Variants in DDC observed in about 807,000 individuals in gnomAD.
The protein encoded by DDC is dopa decarboxylase.
Under a neutral mutation model 60.0 loss-of-function variants are expected in DDC, and 43 were observed. The observed-to-expected ratio is 0.72, with a 90% confidence interval of 0.56 to 0.92. The LOEUF is 0.92. Among genes scored for constraint, DDC ranks in the 40% least tolerant of loss-of-function variants. The pLI is 0.00. For synonymous variants in DDC, 232 were observed against 234.6 expected, an observed-to-expected ratio of 0.99 and a Z score of 0.10; for missense variants, 573 against 620.2, an observed-to-expected ratio of 0.92 and a Z score of 0.81.
chr7:50,469,373 C>T (rs1193075635), intron 12 of DDC, among the ~76,000 whole-genome samples: 1 of 151,966 alleles, frequency 6.6e-6, no homozygotes, highest in African/African-American at 2.4e-5. Context: ...GTTGCTGGGC[C>T]CCACTGCAGG....
intron 7 of DDC, among the ~76,000 whole-genome samples, chr7:50,503,247 G>A (rs538338614): frequency 6.6e-6 from 1 of 152,362 alleles, no homozygotes; most frequent in African/African-American, 2.4e-5. Flanking sequence ...ATCCTAGAGG[G>A]ACAGAGAAAG....
intron 9 of DDC, among the ~76,000 whole-genome samples, chr7:50,484,629 G>A (rs1299276937): frequency 1.3e-5 from 2 of 152,174 alleles, no homozygotes; most frequent in Non-Finnish European, 2.9e-5. Context: ...AAACAGATGT[G>A]TATGTGTACT....
chr7:50,496,112 C>T (rs1411067912), intron 8 of DDC, among the ~76,000 whole-genome samples: 4 of 148,378 alleles, frequency 2.7e-5, no homozygotes, highest in East Asian at 2.0e-4. Context: ...TTTTTTTGAG[C>T]GACAGGGTCT....
At chr7:50,536,372 G>A (rs1281318458) in intron 4 of DDC, among the ~76,000 whole-genome samples, 2 of 152,200 alleles carry the variant, frequency 1.3e-5, no homozygotes, top group African/African-American at 4.8e-5. Flanking sequence ...TTGGGCACAT[G>A]TAGTCAGGAT....
At chr7:50,557,546 C>G (rs933533064) in intron 1 of DDC, among the ~76,000 whole-genome samples, 6 of 152,128 alleles carry the variant, frequency 3.9e-5, no homozygotes, top group African/African-American at 1.4e-4. Context: ...GACATTTTTC[C>G]TTTATGCCTA....
At chr7:50,460,016 A>T (rs1387792016) in intron 14 of DDC, among the ~76,000 whole-genome samples, 1 of 128,756 alleles carries the variant, frequency 7.8e-6, no homozygotes, top group Non-Finnish European at 1.6e-5. Flanking sequence ...GGAAGTGAGG[A>T]TCCCCTCTGC....
Position 50,467,330 on chromosome 7 carries a change from G to A in DDC, c.1141-15C>T, listed in dbSNP as rs757905175. On this transcript the variant is annotated splice_polypyrimidine_tract_variant and intron_variant, in intron 12 of 14. Transcript: ENST00000444124. ...AGCTGGACATGCTTCAAAGAGGAAA[G>A]GGAAAATCTGTTTTTCTCATGGCCA... is the stretch of plus-strand genomic sequence containing the variant. 6 of 1,608,924 alleles carry A rather than the reference G, an allele frequency of 3.7e-6. No homozygotes were observed. The South Asian group carries it at 5.5e-5, about 15-fold the overall frequency.
chr7:50,519,954 AAAC>A (rs1457549203), intron 6 of DDC, among the ~76,000 whole-genome samples: 5 of 13,144 alleles, frequency 3.8e-4, no homozygotes, highest in East Asian at 0.01. Context: ...ATCAAAACCA[AAAC>A]AAACAAACAA....
At chr7:50,559,964 C>T (rs946669159) in intron 1 of DDC, among the ~76,000 whole-genome samples, 1 of 152,164 alleles carries the variant, frequency 6.6e-6, no homozygotes, top group Non-Finnish European at 1.5e-5. Context: ...GTGTAGACGC[C>T]CACCTAGCGT....
At chr7:50,527,131 T>C (rs2044059824) in intron 6 of DDC, among the ~76,000 whole-genome samples, 1 of 152,242 alleles carries the variant, frequency 6.6e-6, no homozygotes, top group Admixed American at 6.5e-5. Context: ...ACTGACTTCA[T>C]ATATTTCGCA....
intron 6 of DDC, among the ~76,000 whole-genome samples, chr7:50,509,594 A>G (rs1314209438): frequency 6.6e-6 from 1 of 152,116 alleles, no homozygotes; most frequent in African/African-American, 2.4e-5. Flanking sequence ...TCTGAATTTC[A>G]CCCACAGACA....
chr7:50,537,725 G>T, intron 4 of DDC, 135 bp downstream of exon 4: 1 of 1,156,692 alleles, frequency 8.6e-7, no homozygotes, highest in Non-Finnish European at 1.3e-6. Flanking sequence ...TTTCCCAAGA[G>T]CTCGGTTTTG....
At chr7:50,508,722 A>G (rs1174848774) in intron 6 of DDC, among the ~76,000 whole-genome samples, 1 of 152,194 alleles carries the variant, frequency 6.6e-6, no homozygotes, top group East Asian at 1.9e-4. Context: ...TCCCAGAAGG[A>G]CGCATATAGT....
chr7:50,546,975 C>T (rs2044826303), intron 1 of DDC, among the ~76,000 whole-genome samples: 2 of 152,212 alleles, frequency 1.3e-5, no homozygotes, highest in Admixed American at 1.3e-4. Flanking sequence ...AGCCAGCTTA[C>T]AATTCCTTGG....
chr7:50,537,294 G>A (rs1260966528), intron 4 of DDC, among the ~76,000 whole-genome samples: 2 of 152,326 alleles, frequency 1.3e-5, no homozygotes, highest in East Asian at 3.9e-4. Flanking sequence ...CTGAAGCCTG[G>A]TCACATCTGC....
At chr7:50,474,512 G>A (rs55782136) in intron 11 of DDC, among the ~76,000 whole-genome samples, 9,401 of 152,286 alleles carry the variant, frequency 0.062, 369 homozygotes, top group Middle Eastern at 0.095. Flanking sequence ...TGCCACCTTC[G>A]TGGTCCTGCA....
intron 8 of DDC, among the ~76,000 whole-genome samples, chr7:50,497,203 C>T (rs1563003483): frequency 8.2e-6 from 1 of 121,388 alleles, no homozygotes; most frequent in Non-Finnish European, 1.7e-5. Context: ...AGACGCACAG[C>T]CCTCAGCTGG....
At chr7:50,510,189 A>G (rs974302716) in intron 6 of DDC, among the ~76,000 whole-genome samples, 3 of 151,972 alleles carry the variant, frequency 2.0e-5, no homozygotes, top group Non-Finnish European at 4.4e-5. Context: ...GTTAGCCAGG[A>G]TGGTCTCGAT....
chr7:50,499,168 G>A lies in DDC; in HGVS notation c.856C>T (p.His286Tyr), dbSNP rs192811217. 4.3e-6 allele frequency: 7 copies of A among 1,613,866 alleles called. No homozygotes were observed. Among genetic ancestry groups the A allele is most frequent in the African/African-American group, 1.3e-5 (1 of 75,062 alleles). ...CCTACCTCCACTCCATTCAGAAGGT[G>A]CCGGAACTCAGGGCAGATGAATGCA... ...GSAFICPEFR[H>Y]LLNGVEFADS... is the part of the protein sequence containing the mutation. Residue 286 changes from histidine to tyrosine, a missense_variant, in exon 8 of 15, where the codon CAC becomes TAC. His to Tyr is a moderately conservative substitution (Grantham distance 83). Coordinates refer to ENST00000444124, the MANE Select transcript of DDC (RefSeq NM_001082971.2).
Sources: allele counts gnomAD v4.1 joint callset (sites outside exome capture counted in the v4.1 genomes callset), GRCh38; gene constraint gnomAD v4.1.1; transcripts MANE v1.5; gene names NCBI Gene and HGNC (gene_info 2026-07-23, HGNC 2026-07-21).